Variants in NCOA1 observed in about 807,000 individuals in gnomAD.
NCOA1 encodes Hin-2 protein.
In NCOA1, 35 loss-of-function variants were observed where a neutral mutation model predicts 150.9. The ratio of observed to expected loss-of-function variants is 0.23; its 90% confidence interval spans 0.18 to 0.31. NCOA1 has a LOEUF of 0.31. Among genes scored for constraint, NCOA1 ranks in the 10% least tolerant of loss-of-function variants. NCOA1 has a pLI of 1.00. For missense variants in NCOA1, 1,491 were observed against 1,749.3 expected, an observed-to-expected ratio of 0.85 and a Z score of 2.63; for synonymous variants, 590 against 630.0, an observed-to-expected ratio of 0.94 and a Z score of 0.95.
chr2:24,623,541 A>G (rs1163961877), intron 3 of NCOA1, among the ~76,000 whole-genome samples: 1 of 152,222 alleles, frequency 6.6e-6, no homozygotes, highest in Non-Finnish European at 1.5e-5. Flanking sequence ...ATATGTATCT[A>G]GGGCAAAAGT....
chr2:24,667,890 GA>G (rs960835205), intron 6 of NCOA1, among the ~76,000 whole-genome samples: 2 of 151,294 alleles, frequency 1.3e-5, no homozygotes, highest in Non-Finnish European at 2.9e-5. Context: ...TTTAAAAACA[GA>G]AAAAAAAATC....
chr2:24,761,939 C>T (rs571946873), intron 21 of NCOA1, among the ~76,000 whole-genome samples: 1 of 152,320 alleles, frequency 6.6e-6, no homozygotes, highest in South Asian at 2.1e-4. Context: ...GGAATTGTTC[C>T]ATGTCATCTA....
At chr2:24,619,045 G>A (rs1283299598) in intron 3 of NCOA1, among the ~76,000 whole-genome samples, 3 of 152,094 alleles carry the variant, frequency 2.0e-5, no homozygotes, top group African/African-American at 4.8e-5. Context: ...GGATTTTTAC[G>A]TGAGAGGAAT....
At chr2:24,531,647 T>A (rs1272434794) in intron 1 of NCOA1, among the ~76,000 whole-genome samples, 1 of 152,126 alleles carries the variant, frequency 6.6e-6, no homozygotes, top group Non-Finnish European at 1.5e-5. Flanking sequence ...TGATGTGTCC[T>A]GCCCTGTGTC....
chr2:24,766,580 G>C (rs889434290), intron 22 of NCOA1, among the ~76,000 whole-genome samples: 1 of 145,260 alleles, frequency 6.9e-6, no homozygotes, highest in Non-Finnish European at 1.5e-5. Flanking sequence ...TAGGGGAGTA[G>C]TAGGGAACTG....
intron 8 of NCOA1, among the ~76,000 whole-genome samples, chr2:24,689,082 C>T (rs572937655): frequency 1.4e-4 from 21 of 151,908 alleles, no homozygotes; most frequent in Non-Finnish European, 2.6e-4. Flanking sequence ...TTTCTAGGCT[C>T]GGTATTCTAT....
At chr2:24,582,540 G>A (rs1667236758) in intron 2 of NCOA1, among the ~76,000 whole-genome samples, 2 of 152,002 alleles carry the variant, frequency 1.3e-5, no homozygotes, top group African/African-American at 4.8e-5. Flanking sequence ...CCAAAGCAAT[G>A]TACAGATTCA....
intron 1 of NCOA1, among the ~76,000 whole-genome samples, chr2:24,506,660 G>A (rs1028411666): frequency 1.6e-4 from 24 of 152,156 alleles, no homozygotes; most frequent in Middle Eastern, 3.4e-3. Context: ...GATTGCATTT[G>A]ATTATGAAAT....
chr2:24,655,496 C>T (rs1381367680), intron 4 of NCOA1, among the ~76,000 whole-genome samples: 1 of 152,164 alleles, frequency 6.6e-6, no homozygotes, highest in Non-Finnish European at 1.5e-5. Flanking sequence ...ATAATAGACT[C>T]ACACAATAGG....
intron 4 of NCOA1, among the ~76,000 whole-genome samples, chr2:24,651,266 C>T (rs1236077103): frequency 6.6e-6 from 1 of 152,022 alleles, no homozygotes; most frequent in Non-Finnish European, 1.5e-5. Context: ...TTCATTGCAG[C>T]ATTATTCACA....
chr2:24,616,818 A>T (rs1241351257), intron 3 of NCOA1, among the ~76,000 whole-genome samples: 2 of 152,190 alleles, frequency 1.3e-5, no homozygotes, highest in Non-Finnish European at 2.9e-5. Context: ...AACAGTTGTT[A>T]GGGGACTTAA....
chr2:24,706,984 A>G lies in NCOA1; in HGVS notation c.1514A>G (p.Asn505Ser). The change falls in exon 13 of 23, where the codon AAC (asparagine) becomes AGC (serine). Residue 505 changes from asparagine (N) to serine (S), a missense_variant. Asn to Ser is a conservative substitution (Grantham distance 46). This residue lies in a region of NCOA1 where 703 missense variants were observed against 717.7 expected (regional missense o/e 0.98). Coordinates refer to ENST00000348332, the MANE Select transcript of NCOA1 (RefSeq NM_003743.5). Reference protein sequence around the residue: ...SGLATRPRMPNNSFPPNISTL... With the variant: ...SGLATRPRMPSNSFPPNISTL... The stretch of plus-strand genomic sequence containing the variant: ...TTGGCAACAAGGCCCAGGATGCCAA[A>G]CAATTCCTTTCCTCCTAATATTTCG... 6.2e-7 allele frequency: 1 copy of G among 1,614,192 alleles called. No individual in the cohort carries two copies. The highest frequency in any genetic ancestry group is 8.5e-7 in the Non-Finnish European group (1 of 1,180,024).
rs375543773 is a variant in NCOA1 at position 24,706,830 on chromosome 2, G to T, written c.1360G>T (p.Ala454Ser). ...SPGSQIVANVALNQGQASSQS... is the reference protein window; with the variant it reads ...SPGSQIVANVSLNQGQASSQS... ...CGGAAGTCAGATTGTAGCCAATGTT[G>T]CCTTAAACCAAGGACAGGCCAGTTC... The change falls in exon 13 of 23, where the codon GCC (alanine) becomes TCC (serine). Residue 454 changes from alanine to serine, a missense_variant. Transcript: ENST00000348332. 6.2e-7 allele frequency: 1 copy of T among 1,614,140 alleles called. No homozygotes were observed. The highest frequency in any genetic ancestry group is 8.5e-7 in the Non-Finnish European group (1 of 1,180,016).
Position 24,770,522 on chromosome 2 carries a change from A to G in NCOA1, c.*2131A>G, listed in dbSNP as rs148525314. On this transcript the variant is annotated 3_prime_UTR_variant, in exon 23 of 23. Transcript: ENST00000348332. ...GAGGAAAATAAAATTGCTTGCTTCT[A>G]TGTAATTCCTGTCATTCCACAGGAA... 455 of 219,844 alleles carry G rather than the reference A, an allele frequency of 2.1e-3. 4 individuals are homozygous for G. Among genetic ancestry groups the G allele is most frequent in the Admixed American group, 0.015 (260 of 17,348 alleles). 13.6% of individuals were successfully genotyped at this position (219,844 alleles called of 1,614,324 possible).
chr2:24,540,021 G>A (rs980674205), intron 1 of NCOA1, among the ~76,000 whole-genome samples: 2 of 152,134 alleles, frequency 1.3e-5, no homozygotes, highest in African/African-American at 4.8e-5. Context: ...AGAAGACGAA[G>A]GACTGAGAAC....
chr2:24,515,125 A>C (rs1427847759), intron 1 of NCOA1, among the ~76,000 whole-genome samples: 1 of 152,218 alleles, frequency 6.6e-6, no homozygotes, highest in Non-Finnish European at 1.5e-5. Context: ...TGTTTTCAAA[A>C]ATTTTTTGTT....
At chr2:24,590,718 T>C (rs1466056334) in intron 3 of NCOA1, among the ~76,000 whole-genome samples, 3 of 152,228 alleles carry the variant, frequency 2.0e-5, no homozygotes, top group African/African-American at 7.2e-5. Flanking sequence ...TTTACCAAAC[T>C]GTAGTCAGCT....
chr2:24,508,958 A>G (rs1170052225), intron 1 of NCOA1, among the ~76,000 whole-genome samples: 1 of 152,240 alleles, frequency 6.6e-6, no homozygotes, highest in East Asian at 1.9e-4. Context: ...CATTGTCTGG[A>G]AATGATAGAG....
At chr2:24,747,454 T>C (rs1438739746) in intron 19 of NCOA1, among the ~76,000 whole-genome samples, 1 of 151,348 alleles carries the variant, frequency 6.6e-6, no homozygotes, top group African/African-American at 2.4e-5. Flanking sequence ...CTCAGCCTCC[T>C]GAGTAGCTAG....
Sources: gnomAD v4.1 joint callset for allele counts (sites outside exome capture counted in the v4.1 genomes callset) on GRCh38, gnomAD v4.1.1 for gene constraint, gnomAD v4.1.1 regional missense constraint, MANE v1.5 for transcripts, NCBI Gene and HGNC (gene_info 2026-07-23, HGNC 2026-07-21) for gene names.